Variants in TBXAS1 observed in about 807,000 individuals in gnomAD.
The protein encoded by TBXAS1 is thromboxane A synthase 1.
A neutral mutation model predicts 60.7 loss-of-function variants in TBXAS1; 48 were observed. The observed-to-expected ratio is 0.79, with a 90% CI of 0.63 to 1.01. TBXAS1 has a LOEUF of 1.01. Ranked by LOEUF, TBXAS1 falls within the 50% of genes least tolerant of loss-of-function variation. The probability of loss-of-function intolerance (pLI) is 0.00; values close to 1 mark genes in which losing one functional copy is unlikely to be tolerated. For missense variants in TBXAS1, 685 were observed against 686.3 expected (o/e 1.00, Z 0.02); for synonymous variants, 287 against 269.7 (o/e 1.06, Z -0.63).
intron 5 of TBXAS1, among the ~76,000 whole-genome samples, chr7:139,937,183 T>C (rs1460993615): frequency 6.6e-6 from 1 of 152,186 alleles, no homozygotes; most frequent in Non-Finnish European, 1.5e-5. Flanking sequence ...GCCCTTATGA[T>C]GTGAAGGGGC....
At chr7:139,876,271 G>T (rs1195625378) in intron 3 of TBXAS1, among the ~76,000 whole-genome samples, 2 of 152,042 alleles carry the variant, frequency 1.3e-5, no homozygotes, top group Non-Finnish European at 2.9e-5. Context: ...TTTCTCCTTT[G>T]TATGCTCCTT....
At position 139,833,065 on chromosome 7, in the gene TBXAS1, C is replaced by T. The variant is rs184063998; in HGVS notation, c.89+3586C>T. Among the ~76,000 whole-genome samples, 205 of 151,846 alleles carry T rather than the reference C, an allele frequency of 1.4e-3. 1 individual carries two copies. In the Middle Eastern group the frequency reaches 0.014, roughly 10 times the overall value. On this transcript the variant is annotated intron_variant, in intron 1 of 12. Coordinates refer to ENST00000448866, the MANE Select transcript of TBXAS1 (RefSeq NM_001061.7). The stretch of plus-strand genomic sequence containing the variant: ...AAAAATACGAGCTAAAAAGCAAAAG[C>T]AAAAAACAACAACAACAAAAAAAAC...
chr7:139,902,486 G>A (rs1021336200), intron 3 of TBXAS1, among the ~76,000 whole-genome samples: 1 of 152,110 alleles, frequency 6.6e-6, no homozygotes, highest in Non-Finnish European at 1.5e-5. Context: ...TTGTATAGAT[G>A]TACTACAGTT....
At chr7:139,971,020 GTC>G (rs1363144554) in intron 9 of TBXAS1, among the ~76,000 whole-genome samples, 1 of 152,152 alleles carries the variant, frequency 6.6e-6, no homozygotes, top group Non-Finnish European at 1.5e-5. Flanking sequence ...CAAAGAGCAT[GTC>G]TCTGATGCCA....
chr7:139,959,771 G>A lies in TBXAS1; in HGVS notation c.819+2007G>A, dbSNP rs192919051. ...AGCAAAGCCATAGCCAAGCCTCAGG[G>A]ACCACAATGATATCACACCCTGAGG... is the stretch of plus-strand genomic sequence containing the variant. On this transcript the variant is annotated intron_variant, in intron 8 of 12. Coordinates refer to ENST00000448866, the MANE Select transcript of TBXAS1 (RefSeq NM_001061.7). Among the ~76,000 whole-genome samples, 37 of 152,278 alleles carry A rather than the reference G, an allele frequency of 2.4e-4. No homozygotes were observed. The East Asian group carries it at 6.8e-3, about 28-fold the overall frequency.
chr7:139,955,596 T>C lies in TBXAS1; in HGVS notation c.677T>C (p.Leu226Pro). ...FFEFCIPRPILVLLLSFPSIM... is the reference protein window; with the variant it reads ...FFEFCIPRPIPVLLLSFPSIM... ...GAATTCTGCATCCCCAGACCTATCC[T>C]GGTTTTACTCTGTAAGTGCGGCTGC... Residue 226 changes from leucine (L) to proline (P), a missense_variant, in exon 7 of 13, where the codon CTG becomes CCG. Physicochemically the swap from Leu to Pro is moderately conservative, Grantham distance 98 (BLOSUM62 -3). Coordinates refer to ENST00000448866, the MANE Select transcript of TBXAS1 (RefSeq NM_001061.7). 6.2e-7 allele frequency: 1 copy of C among 1,614,174 alleles called. No individual in the cohort carries two copies. Among genetic ancestry groups the C allele is most frequent in the Non-Finnish European group, 8.5e-7 (1 of 1,180,036 alleles).
At chr7:139,877,268 T>C (rs1208719112) in intron 3 of TBXAS1, among the ~76,000 whole-genome samples, 1 of 152,212 alleles carries the variant, frequency 6.6e-6, no homozygotes, top group Non-Finnish European at 1.5e-5. Flanking sequence ...TCTTTCAACT[T>C]GGCCTTCACT....
At position 139,907,411 on chromosome 7, in the gene TBXAS1, T is replaced by C. The variant is rs545553213; in HGVS notation, c.237-3814T>C. On this transcript the variant is annotated intron_variant, in intron 3 of 12. Coordinates refer to ENST00000448866, the MANE Select transcript of TBXAS1 (RefSeq NM_001061.7). Reference sequence around the variant, plus strand: ...TTGATATATAAGTCTTTTTATATAGTGCTAGATTTGATTTGTTGAAGATTT... The same window carrying C: ...TTGATATATAAGTCTTTTTATATAGCGCTAGATTTGATTTGTTGAAGATTT... Among the ~76,000 whole-genome samples, 5 of 152,276 alleles carry C rather than the reference T, an allele frequency of 3.3e-5. 1 individual carries two copies. Among genetic ancestry groups the C allele is most frequent in the Middle Eastern group, 6.8e-3 (2 of 294 alleles).
chr7:139,906,167 T>G, intron 3 of TBXAS1: 1 of 324,754 alleles, frequency 3.1e-6, no homozygotes, highest in Non-Finnish European at 6.0e-6. Flanking sequence ...GCAATTCTCC[T>G]GCCTCAGCCT....
At chr7:139,815,319 A>G (rs987033103) in intron 4 of TBXAS1, among the ~76,000 whole-genome samples, 1 of 152,228 alleles carries the variant, frequency 6.6e-6, no homozygotes, top group Admixed American at 6.5e-5. Flanking sequence ...TGGAGCTCCT[A>G]GAACTTATCT....
intron 1 of TBXAS1, among the ~76,000 whole-genome samples, chr7:139,848,272 A>C (rs1799962780): frequency 6.6e-6 from 1 of 152,180 alleles, no homozygotes; most frequent in African/African-American, 2.4e-5. Context: ...GGCATGAGCC[A>C]CCATGCCTGG....
intron 9 of TBXAS1, among the ~76,000 whole-genome samples, chr7:139,985,993 G>A (rs1460174868): frequency 1.3e-5 from 2 of 152,262 alleles, no homozygotes; most frequent in Non-Finnish European, 2.9e-5. Context: ...GGCATGAGGT[G>A]CTACATGAGC....
At chr7:139,956,574 G>T (rs1035676960) in intron 7 of TBXAS1, among the ~76,000 whole-genome samples, 1 of 152,238 alleles carries the variant, frequency 6.6e-6, no homozygotes, top group African/African-American at 2.4e-5. Flanking sequence ...TAACCATTCT[G>T]CTGGGCTGGT....
chr7:139,813,188 G>A (rs915235844), intron 4 of TBXAS1, among the ~76,000 whole-genome samples: 3 of 152,318 alleles, frequency 2.0e-5, no homozygotes, highest in African/African-American at 4.8e-5. Flanking sequence ...CTGAGGAGGC[G>A]CTCATTCCTG....
intron 1 of TBXAS1, among the ~76,000 whole-genome samples, chr7:139,860,350 ACTT>A (rs571183602): frequency 3.3e-5 from 5 of 152,068 alleles, no homozygotes; most frequent in South Asian, 4.1e-4. Context: ...CACCCCAGAC[ACTT>A]CTTCTTTTCA....
At chr7:139,913,893 C>G (rs1050099532) in intron 4 of TBXAS1, 1 of 152,972 alleles carries the variant, frequency 6.5e-6, no homozygotes, top group Non-Finnish European at 1.5e-5. Flanking sequence ...AATCGTCACT[C>G]CAGCCTCTCC....
chr7:140,015,751 G>A lies in TBXAS1; in HGVS notation c.1255G>A (p.Glu419Lys), dbSNP rs150087656. 84 of 1,613,398 alleles carry A rather than the reference G, an allele frequency of 5.2e-5. 1 individual carries two copies. The highest frequency in any genetic ancestry group is 3.7e-4 in the African/African-American group (28 of 74,926). The change falls in exon 11 of 13, where the codon GAG becomes AAG. Residue 419 changes from glutamate (E) to lysine (K), a missense_variant. Glu to Lys is a moderately conservative substitution (Grantham distance 56, BLOSUM62 1). Transcript: ENST00000448866. ...RFTREAAQDC[E>K]VLGQRIPAGA... ...CACACGGGAGGCAGCTCAGGACTGC[G>A]AGGTGCTGGGGCAGCGCATCCCCGC...
chr7:139,856,286 T>C (rs1366173765), intron 1 of TBXAS1, among the ~76,000 whole-genome samples: 1 of 152,060 alleles, frequency 6.6e-6, no homozygotes, highest in East Asian at 1.9e-4. Flanking sequence ...TAATCTGGGG[T>C]GATCGAGTTG....
At chr7:139,972,212 A>G (rs1811255130) in intron 9 of TBXAS1, among the ~76,000 whole-genome samples, 2 of 152,200 alleles carry the variant, frequency 1.3e-5, no homozygotes, top group African/African-American at 4.8e-5. Context: ...TCTCCCAGGA[A>G]TGGGTCACAC....
Sources: gnomAD v4.1 joint callset for allele counts (sites outside exome capture counted in the v4.1 genomes callset) on GRCh38, gnomAD v4.1.1 for gene constraint, MANE v1.5 for transcripts, NCBI Gene and HGNC (gene_info 2026-07-23, HGNC 2026-07-21) for gene names.